Variants in FAT1 observed in about 807,000 individuals in gnomAD.
FAT1 encodes FAT atypical cadherin 1, also known as protocadherin Fat 1.
FAT1 carries 171 observed loss-of-function variants against 329.8 expected under a neutral mutation model. That is an observed-to-expected ratio of 0.52 (90% confidence interval 0.46 to 0.59). FAT1 has a LOEUF of 0.59. Ranked by LOEUF, FAT1 falls within the 20% of genes least tolerant of loss-of-function variation. FAT1 has a pLI of 0.00. For synonymous variants in FAT1, 2,233 were observed against 2,228.6 expected, an observed-to-expected ratio of 1.00 and a Z score of -0.06; for missense variants, 5,672 against 5,774.4, an observed-to-expected ratio of 0.98 and a Z score of 0.57.
intron 2 of FAT1, among the ~76,000 whole-genome samples, chr4:186,701,415 G>A (rs189011123): frequency 6.6e-4 from 100 of 152,274 alleles, no homozygotes; most frequent in African/African-American, 2.3e-3. Context: ...AGCTTTCCTA[G>A]GAGGAGAACA....
chr4:186,723,221 C>A (rs1561023025), intron 1 of FAT1, among the ~76,000 whole-genome samples: 1 of 152,252 alleles, frequency 6.6e-6, no homozygotes, highest in African/African-American at 2.4e-5. Context: ...ATCTGCACCT[C>A]CGGGCAGCGC....
chr4:186,604,787 G>GGAC, intron 17 of FAT1, among the ~76,000 whole-genome samples: 1 of 151,650 alleles, frequency 6.6e-6, no homozygotes, highest in Admixed American at 6.6e-5. Context: ...AGAAAAAGGA[G>GGAC]GATGAAGGAA....
intron 13 of FAT1, 148 bp downstream of exon 13, chr4:186,612,961 A>C: frequency 1.7e-6 from 1 of 591,902 alleles, no homozygotes; most frequent in Non-Finnish European, 3.0e-6. Flanking sequence ...TTAATTAATT[A>C]TTCTAAAGAT....
At chr4:186,600,782 C>T (rs1429040062) in intron 21 of FAT1, among the ~76,000 whole-genome samples, 19 of 152,230 alleles carry the variant, frequency 1.2e-4, no homozygotes, top group Non-Finnish European at 7.3e-5. Context: ...GTGATCTCAA[C>T]TCACTGCAAC....
chr4:186,698,760 C>T (rs936751241), intron 2 of FAT1, among the ~76,000 whole-genome samples: 8 of 152,174 alleles, frequency 5.3e-5, no homozygotes, highest in Non-Finnish European at 1.2e-4. Flanking sequence ...TGCGGCTCCG[C>T]CACGGAGAGA....
intron 3 of FAT1, among the ~76,000 whole-genome samples, chr4:186,642,525 A>G (rs1474000004): frequency 6.6e-6 from 1 of 152,236 alleles, no homozygotes; most frequent in Non-Finnish European, 1.5e-5. Flanking sequence ...AGAGAGATAA[A>G]CTACTGTAAA....
At chr4:186,704,096 A>C (rs184578362) in intron 2 of FAT1, among the ~76,000 whole-genome samples, 30 of 152,338 alleles carry the variant, frequency 2.0e-4, no homozygotes, top group African/African-American at 6.7e-4. Flanking sequence ...ACGTAAGTCT[A>C]CTGTACACTA....
intron 2 of FAT1, among the ~76,000 whole-genome samples, chr4:186,701,464 G>C (rs914689196): frequency 2.0e-5 from 3 of 152,172 alleles, no homozygotes; most frequent in African/African-American, 7.2e-5. Context: ...CCACTTCAGG[G>C]AGGAGCCAGC....
chr4:186,636,926 A>C lies in FAT1; in HGVS notation c.3643-12T>G. ...TCTGTCACAGTAACCTGTTTTTTTAAAGTTAACAGATTAACATGTTAAGAT... is the reference window on the plus strand; with the variant it reads ...TCTGTCACAGTAACCTGTTTTTTTACAGTTAACAGATTAACATGTTAAGAT... On this transcript the variant is annotated splice_polypyrimidine_tract_variant and intron_variant, in intron 4 of 26. Coordinates refer to ENST00000441802, the MANE Select transcript of FAT1 (RefSeq NM_005245.4). The C allele has an allele frequency of 1.3e-6, 2 of 1,581,242 alleles. No homozygotes were observed. Among genetic ancestry groups the C allele is most frequent in the Non-Finnish European group, 1.7e-6 (2 of 1,166,250 alleles).
intron 7 of FAT1, among the ~76,000 whole-genome samples, chr4:186,632,368 G>T (rs1740640478): frequency 6.6e-6 from 1 of 152,098 alleles, no homozygotes; most frequent in African/African-American, 2.4e-5. Context: ...CTGTGAATTG[G>T]TCTACAGTTA....
rs2126703446 is a variant in FAT1 at position 186,709,342 on chromosome 4, T to G, written c.486A>C (p.Thr162=). The G allele has an allele frequency of 6.2e-7, 1 of 1,614,036 alleles. No individual in the cohort carries two copies. Among genetic ancestry groups the G allele is most frequent in the South Asian group, 1.1e-5 (1 of 91,088 alleles). Residue 162 remains threonine (T), a synonymous_variant, in exon 2 of 27, where the codon ACA becomes ACC. Coordinates refer to ENST00000441802, the MANE Select transcript of FAT1 (RefSeq NM_005245.4). ...TSYSVSLPEN[T]AIRTSIARVS... ...CTCTTGCGATACTGGTCCTTATAGC[T>G]GTGTTTTCAGGTAAAGAAACGCTGT...
intron 26 of FAT1, among the ~76,000 whole-genome samples, chr4:186,591,560 ATT>A (rs746420129): frequency 6.6e-6 from 1 of 152,346 alleles, no homozygotes; most frequent in East Asian, 1.9e-4. Context: ...GCCAAAAAAT[ATT>A]TGTCAATGAA....
At chr4:186,665,567 G>C (rs371178740) in intron 2 of FAT1, among the ~76,000 whole-genome samples, 13 of 152,110 alleles carry the variant, frequency 8.5e-5, no homozygotes, top group East Asian at 1.9e-4. Context: ...ATTTGTTTGA[G>C]TTCTTTGTAG....
At chr4:186,669,860 C>T (rs1160492192) in intron 2 of FAT1, among the ~76,000 whole-genome samples, 5 of 152,118 alleles carry the variant, frequency 3.3e-5, no homozygotes, top group Admixed American at 6.5e-5. Flanking sequence ...CTCCAATAAA[C>T]GGTTCAAAAG....
rs895248233 is a variant in FAT1, at chr4:186,618,026, C to T, written c.8560G>A (p.Val2854Met). The change falls in exon 10 of 27, where the codon GTG becomes ATG. Residue 2854 changes from valine to methionine, a missense_variant. By Grantham distance (21) the Val-to-Met change is conservative. Coordinates refer to ENST00000441802, the MANE Select transcript of FAT1 (RefSeq NM_005245.4). Reference protein sequence around the residue: ...VMYSLDQSQSVEVIESFAINM... With the variant: ...VMYSLDQSQSMEVIESFAINM... ...ATGGCAAAGGATTCAATGACTTCCA[C>T]ACTTTGTGACTGATCCAGGCTATAC... The T allele has an allele frequency of 6.2e-7, 1 of 1,614,048 alleles. No homozygotes were observed. The highest frequency in any genetic ancestry group is 1.7e-5 in the Admixed American group (1 of 60,032).
Position 186,708,307 on chromosome 4 carries a change from A to C in FAT1, c.1521T>G (p.His507Gln), listed in dbSNP as rs752436166. 2.4e-5 allele frequency: 39 copies of C among 1,613,968 alleles called. No homozygotes were observed. Among genetic ancestry groups the C allele is most frequent in the Non-Finnish European group, 3.2e-5 (38 of 1,179,848 alleles). Residue 507 changes from histidine (H) to glutamine (Q), a missense_variant, in exon 2 of 27, where the codon CAT (histidine) becomes CAG (glutamine). His to Gln is a conservative substitution (Grantham distance 24). Transcript: ENST00000441802. ...YVTYSIANLN[H>Q]VPFAIDHFTG... ...TGAAATGGTCAATCGCAAACGGCAC[A>C]TGATTTAAATTTGCGATACTGTATG...
At chr4:186,634,856 A>T (rs1383817606) in intron 6 of FAT1, among the ~76,000 whole-genome samples, 1 of 152,248 alleles carries the variant, frequency 6.6e-6, no homozygotes, top group East Asian at 1.9e-4. Context: ...ACAGAATAAA[A>T]GCAATCAATC....
chr4:186,717,613 T>C (rs1745276325), intron 1 of FAT1, among the ~76,000 whole-genome samples: 1 of 152,218 alleles, frequency 6.6e-6, no homozygotes, highest in Non-Finnish European at 1.5e-5. Flanking sequence ...GAAGTGTTCC[T>C]GCCCTTAAGA....
At chr4:186,688,116 A>G (rs1743562531) in intron 2 of FAT1, among the ~76,000 whole-genome samples, 1 of 137,954 alleles carries the variant, frequency 7.2e-6, no homozygotes, top group South Asian at 2.3e-4. Flanking sequence ...TCAAAGCTGA[A>G]AAAAAAAAAA....
Sources: allele counts gnomAD v4.1 joint callset (sites outside exome capture counted in the v4.1 genomes callset), GRCh38; gene constraint gnomAD v4.1.1; transcripts MANE v1.5; gene names NCBI Gene and HGNC (gene_info 2026-07-23, HGNC 2026-07-21).